Variants in RMI2 observed in about 807,000 individuals in gnomAD.
The protein encoded by RMI2 is RecQ mediated genome instability 2, also known as recQ-mediated genome instability protein 2.
RMI2 carries 11 observed loss-of-function variants against 8.4 expected under a neutral mutation model. The observed-to-expected ratio is 1.32, with a 90% confidence interval of 0.83 to 2.18. RMI2 has a LOEUF of 2.18. RMI2 is among the 30% of genes most tolerant of loss of function. The pLI, the probability that RMI2 is intolerant of heterozygous loss-of-function variation, is 0.00. For synonymous variants in RMI2, 105 were observed against 93.8 expected (o/e 1.12, Z -0.69); for missense variants, 253 against 207.5 (o/e 1.22, Z -1.35).
intron 1 of RMI2, among the ~76,000 whole-genome samples, chr16:11,346,547 C>T (rs7200667): frequency 6.6e-6 from 1 of 151,954 alleles, no homozygotes; most frequent in Admixed American, 6.6e-5. Flanking sequence ...AGACATGAGC[C>T]GCTGCGCCCT....
Position 11,350,924 on chromosome 16 carries a change from C to A in RMI2, c.*134C>A, listed in dbSNP as rs1597761918. The A allele has an allele frequency of 2.9e-6, 2 of 688,596 alleles. No individual in the cohort carries two copies. Among genetic ancestry groups the A allele is most frequent in the South Asian group, 2.2e-5 (1 of 46,390 alleles). The allele number at this position is 688,596 out of a possible 1,614,324, so 42.7% of individuals were successfully genotyped here. Reference sequence around the variant, plus strand: ...CTCAGAGAGCCTTGCTTTGGTTGACCAAGGAGTCCGGATGTAGGAATGTTT... The same window carrying A: ...CTCAGAGAGCCTTGCTTTGGTTGACAAAGGAGTCCGGATGTAGGAATGTTT... On this transcript the variant is annotated 3_prime_UTR_variant, in exon 2 of 2. Coordinates refer to ENST00000312499, the MANE Select transcript of RMI2 (RefSeq NM_152308.3).
Position 11,345,547 on chromosome 16 carries a change from C to T in RMI2, c.76C>T (p.Leu26=). The T allele has an allele frequency of 8.0e-7, 1 of 1,251,124 alleles. No individual in the cohort carries two copies. The highest frequency in any genetic ancestry group is 1.0e-6 in the Non-Finnish European group (1 of 997,612). The allele number at this position is 1,251,124 out of a possible 1,614,324, so 77.5% of individuals were successfully genotyped here. ...TCCGAGGTCGCCGCCACTCAAGGTGCTGGCGGAGCAGCTGCGGCGCGACGC... is the reference window on the plus strand; with the variant it reads ...TCCGAGGTCGCCGCCACTCAAGGTGTTGGCGGAGCAGCTGCGGCGCGACGC... ...RLPRSPPLKV[L]AEQLRRDAEG... The change falls in exon 1 of 2, where the codon CTG becomes TTG. Residue 26 remains leucine, a synonymous_variant. Transcript: ENST00000312499.
In RMI2 at chr16:11,345,725, G is replaced by T; in HGVS notation, c.254G>T (p.Gly85Val). ...CCGAGCGGGGACTTCTCGGTCCGCGGCCTGGAGCGGGTGCCGCGCGGGCGG... is the reference window on the plus strand; with the variant it reads ...CCGAGCGGGGACTTCTCGGTCCGCGTCCTGGAGCGGGTGCCGCGCGGGCGG... ...RDPSGDFSVR[G>V]LERVPRGRPC... The change falls in exon 1 of 2, where the codon GGC (glycine) becomes GTC (valine). Residue 85 changes from glycine to valine, a missense_variant. Transcript: ENST00000312499. 1 of 1,249,138 alleles carries T rather than the reference G, an allele frequency of 8.0e-7. No homozygotes were observed. Among genetic ancestry groups the T allele is most frequent in the Non-Finnish European group, 1.0e-6 (1 of 997,866 alleles). The allele number at this position is 1,249,138 out of a possible 1,614,324, so 77.4% of individuals were successfully genotyped here.
Position 11,345,482 on chromosome 16 carries a change from CT to C in RMI2, c.12del (p.Ala5ArgfsTer60). The C allele has an allele frequency of 7.6e-7, 1 of 1,314,628 alleles. No homozygotes were observed. Among genetic ancestry groups the C allele is most frequent in the Non-Finnish European group, 9.7e-7 (1 of 1,027,256 alleles). The allele number at this position is 1,314,628 out of a possible 1,614,324, so 81.4% of individuals were successfully genotyped here. Reference protein sequence around the residue: MAAAADSFSGGPAG... With the variant: MAAXADSFSGGPAG... ...GTGCGGCGAGGCGGAATGGCGGCGG[CT>C]GCGGACTCGTTCTCAGGCGGCCCCG... On this transcript the variant is annotated frameshift_variant, in exon 1 of 2. Coordinates refer to ENST00000312499, the MANE Select transcript of RMI2 (RefSeq NM_152308.3). LOFTEE classifies it high-confidence loss of function.
intron 1 of RMI2, among the ~76,000 whole-genome samples, chr16:11,347,883 C>T (rs1005027156): frequency 2.0e-5 from 3 of 152,208 alleles, no homozygotes; most frequent in Admixed American, 1.3e-4. Flanking sequence ...TGGGTTCAAG[C>T]GATTCTCATG....
At chr16:11,346,729 T>G in intron 1 of RMI2, among the ~76,000 whole-genome samples, 1 of 152,226 alleles carries the variant, frequency 6.6e-6, no homozygotes, top group East Asian at 1.9e-4. Flanking sequence ...GTGATGCTGA[T>G]GCTGCTGGTC....
chr16:11,350,229 G>A (rs377571578), intron 1 of RMI2, among the ~76,000 whole-genome samples: 17 of 152,302 alleles, frequency 1.1e-4, no homozygotes, highest in African/African-American at 2.9e-4. Flanking sequence ...TGATGGGAGC[G>A]TCTCCTCCAT....
intron 1 of RMI2, among the ~76,000 whole-genome samples, chr16:11,347,490 C>G (rs2070892777): frequency 6.6e-6 from 1 of 152,202 alleles, no homozygotes. Flanking sequence ...GTTAACTTTT[C>G]TGGACTTGTA....
chr16:11,348,658 G>C (rs998450675), intron 1 of RMI2: 1 of 152,374 alleles, frequency 6.6e-6, no homozygotes, highest in Non-Finnish European at 1.5e-5. Context: ...AGCTGATCTA[G>C]GTTTGAGGGC....
At chr16:11,347,809 C>G (rs914496400) in intron 1 of RMI2, among the ~76,000 whole-genome samples, 10 of 152,198 alleles carry the variant, frequency 6.6e-5, no homozygotes, top group African/African-American at 2.4e-4. Flanking sequence ...GAGACAGAAT[C>G]TCGCTCTGTC....
rs903737844 is a variant in RMI2, at chr16:11,345,492, G to T, written c.21G>T (p.Ser7=). 10 of 1,316,198 alleles carry T rather than the reference G, an allele frequency of 7.6e-6. No individual in the cohort carries two copies. The African/African-American group carries it at 1.2e-4, about 16-fold the overall frequency. The allele number at this position is 1,316,198 out of a possible 1,614,324, so 81.5% of individuals were successfully genotyped here. The change falls in exon 1 of 2, where the codon TCG becomes TCT. Residue 7 remains serine, a synonymous_variant. Coordinates refer to ENST00000312499, the MANE Select transcript of RMI2 (RefSeq NM_152308.3). ...GCGGAATGGCGGCGGCTGCGGACTC[G>T]TTCTCAGGCGGCCCCGCGGGGGTGC... MAAAAD[S]FSGGPAGVRL... is the part of the protein sequence containing the mutation.
intron 1 of RMI2, among the ~76,000 whole-genome samples, chr16:11,346,573 TA>T (rs1378206353): frequency 6.6e-6 from 1 of 152,148 alleles, no homozygotes; most frequent in Non-Finnish European, 1.5e-5. Flanking sequence ...CTTCCTCTCT[TA>T]AACCACTGAT....
In RMI2 at chr16:11,351,537, T is replaced by C. The variant is rs193277177; in HGVS notation, c.*747T>C. ...TAGCTAAACTTCCACTTCATAACTTTCGGCGAGACATGGTGAGCCTCCTGG... is the reference window on the plus strand; with the variant it reads ...TAGCTAAACTTCCACTTCATAACTTCCGGCGAGACATGGTGAGCCTCCTGG... On this transcript the variant is annotated 3_prime_UTR_variant, in exon 2 of 2. Coordinates refer to ENST00000312499, the MANE Select transcript of RMI2 (RefSeq NM_152308.3). 65 of 232,448 alleles carry C rather than the reference T, an allele frequency of 2.8e-4. No homozygotes were observed. The highest frequency in any genetic ancestry group is 1.3e-3 in the African/African-American group (60 of 45,416). The allele number at this position is 232,448 out of a possible 1,614,324, so 14.4% of individuals were successfully genotyped here.
intron 1 of RMI2, chr16:11,348,317 C>T (rs1300377374): frequency 6.6e-6 from 1 of 152,308 alleles, no homozygotes; most frequent in East Asian, 1.9e-4. Context: ...AGCCTTGGCC[C>T]AGCAAGTAAC....
Position 11,345,581 on chromosome 16 carries a change from G to A in RMI2, c.110G>A (p.Gly37Asp). Reference protein sequence around the residue: ...AEQLRRDAEGGPGAWRLSRAA... With the variant: ...AEQLRRDAEGDPGAWRLSRAA... ...CAGCTGCGGCGCGACGCGGAGGGCG[G>A]CCCGGGCGCGTGGCGGCTGTCACGG... Residue 37 changes from glycine to aspartate, a missense_variant, in exon 1 of 2, where the codon GGC becomes GAC. Coordinates refer to ENST00000312499, the MANE Select transcript of RMI2 (RefSeq NM_152308.3). 2.5e-6 allele frequency: 3 copies of A among 1,223,578 alleles called. No individual in the cohort carries two copies. Among genetic ancestry groups the A allele is most frequent in the Non-Finnish European group, 3.1e-6 (3 of 983,584 alleles). The allele number at this position is 1,223,578 out of a possible 1,614,324, so 75.8% of individuals were successfully genotyped here. A position where few individuals can be genotyped will look rare whatever the true frequency, so the allele number is the denominator to read the frequency against.
rs11643024 is a variant in RMI2 at position 11,349,326 on chromosome 16, A to G, written c.296-1316A>G. The G allele has an allele frequency of 0.67, 101,220 of 151,298 alleles. 34,002 individuals carry two copies. Among genetic ancestry groups the G allele is most frequent in the Middle Eastern group, 0.76 (223 of 294 alleles). 9.4% of individuals were successfully genotyped at this position (151,298 alleles called of 1,614,324 possible). On this transcript the variant is annotated intron_variant, in intron 1 of 1. Coordinates refer to ENST00000312499, the MANE Select transcript of RMI2 (RefSeq NM_152308.3). The surrounding 1 kb of genome is among the most constrained non-coding windows in gnomAD (Gnocchi z 4.2). Reference sequence around the variant, plus strand: ...CATGGCAACCGCGGGGTGGGGATGCAGGAAGGAGAGGGAGAGACAGCGGAG... The same window carrying G: ...CATGGCAACCGCGGGGTGGGGATGCGGGAAGGAGAGGGAGAGACAGCGGAG...
Position 11,345,575 on chromosome 16 carries a change from A to G in RMI2, c.104A>G (p.Glu35Gly). Reference protein sequence around the residue: ...VLAEQLRRDAEGGPGAWRLSR... With the variant: ...VLAEQLRRDAGGGPGAWRLSR... ...GCGGAGCAGCTGCGGCGCGACGCGG[A>G]GGGCGGCCCGGGCGCGTGGCGGCTG... The change falls in exon 1 of 2, where the codon GAG becomes GGG. Residue 35 changes from glutamate to glycine, a missense_variant. Coordinates refer to ENST00000312499, the MANE Select transcript of RMI2 (RefSeq NM_152308.3). The G allele has an allele frequency of 8.2e-7, 1 of 1,224,902 alleles. No homozygotes were observed. 75.9% of individuals were successfully genotyped at this position (1,224,902 alleles called of 1,614,324 possible).
At chr16:11,350,430 A>G (rs2070951437) in intron 1 of RMI2, among the ~76,000 whole-genome samples, 1 of 152,118 alleles carries the variant, frequency 6.6e-6, no homozygotes, top group Non-Finnish European at 1.5e-5. Context: ...TCTCTACTAA[A>G]CATACAAAAA....
intron 1 of RMI2, 70 bp from the exon 2 acceptor site, chr16:11,350,572 A>G: frequency 1.5e-6 from 2 of 1,326,030 alleles, no homozygotes; most frequent in Non-Finnish European, 2.0e-6. Context: ...CCTGGGCGAC[A>G]TAGCAAGACT....
Sources: allele counts gnomAD v4.1 joint callset (sites outside exome capture counted in the v4.1 genomes callset), GRCh38; gene constraint gnomAD v4.1.1; non-coding constraint Gnocchi (gnomAD v3.1); transcripts MANE v1.5; gene names NCBI Gene and HGNC (gene_info 2026-07-23, HGNC 2026-07-21).